The following USP3 variants were observed in gnomAD, a reference collection of about 807,000 sequenced individuals.
The protein encoded by USP3 is ubiquitin carboxyl-terminal hydrolase 3.
USP3 carries 20 observed loss-of-function variants against 72.3 expected under a neutral mutation model. The observed-to-expected ratio is 0.28, with a 90% CI of 0.19 to 0.40. The LOEUF (loss-of-function observed/expected upper bound fraction) is 0.40, where lower values mean the gene tolerates loss of function less well. Ranked by LOEUF, USP3 falls within the 10% of genes least tolerant of loss-of-function variation. The pLI is 1.00. For synonymous variants in USP3, 222 were observed against 225.3 expected (o/e 0.99, Z 0.13); for missense variants, 479 against 633.9 (o/e 0.76, Z 2.62).
Position 63,588,689 on chromosome 15 carries a change from C to G in USP3, c.1216-13C>G. The stretch of plus-strand genomic sequence containing the variant: ...AGGTGTTCACAATCTTTGACCGCAT[C>G]TCTGTCCTCCAGGTGCTATGCTTAC... On this transcript the variant is annotated splice_polypyrimidine_tract_variant and intron_variant, in intron 12 of 14. Transcript: ENST00000380324. The surrounding 1 kb of genome is among the most constrained non-coding windows in gnomAD (Gnocchi z 4.6). The G allele has an allele frequency of 6.3e-7, 1 of 1,590,558 alleles. No individual in the cohort carries two copies. Among genetic ancestry groups the G allele is most frequent in the Non-Finnish European group, 8.6e-7 (1 of 1,159,926 alleles).
chr15:63,510,625 T>C (rs551574988), intron 1 of USP3, among the ~76,000 whole-genome samples: 1 of 152,332 alleles, frequency 6.6e-6, no homozygotes, highest in Admixed American at 6.5e-5. Context: ...AGAGCTTTCC[T>C]GGACAGATGG....
chr15:63,591,414 C>CACTA lies in USP3; in HGVS notation c.*594_*597dup, dbSNP rs1216996583. On this transcript the variant is annotated 3_prime_UTR_variant, in exon 15 of 15. Transcript: ENST00000380324. ...CTCTCAAGGCTGCTGTCTTTATCAG[C>CACTA]ACTAACTAAATAAATTTGTTGGTTC... 4 of 152,342 alleles carry CACTA rather than the reference C, an allele frequency of 2.6e-5. No homozygotes were observed. The highest frequency in any genetic ancestry group is 1.9e-4 in the East Asian group (1 of 5,196). The allele number at this position is 152,342 out of a possible 1,614,324, so 9.4% of individuals were successfully genotyped here. A position where few individuals can be genotyped will look rare whatever the true frequency, so the allele number is the denominator to read the frequency against.
At chr15:63,584,908 T>C (rs1320558529) in intron 11 of USP3, among the ~76,000 whole-genome samples, 1 of 152,148 alleles carries the variant, frequency 6.6e-6, no homozygotes, top group African/African-American at 2.4e-5. Context: ...GTTTAAGACC[T>C]TTGATCTATT....
At chr15:63,559,613 G>C (rs1245892066) in intron 6 of USP3, among the ~76,000 whole-genome samples, 3 of 152,190 alleles carry the variant, frequency 2.0e-5, no homozygotes, top group African/African-American at 7.2e-5. Context: ...TTTGAAAAGA[G>C]ATTTTGTTTT....
At chr15:63,554,820 A>G (rs1175050652) in intron 4 of USP3, among the ~76,000 whole-genome samples, 1 of 152,222 alleles carries the variant, frequency 6.6e-6, no homozygotes, top group African/African-American at 2.4e-5. Flanking sequence ...AAAGTACTTC[A>G]GGTTTAAGTA....
chr15:63,562,572 T>C (rs1595751320), intron 7 of USP3, among the ~76,000 whole-genome samples: 3 of 152,184 alleles, frequency 2.0e-5, no homozygotes, highest in South Asian at 4.1e-4. Flanking sequence ...ATTTTGAAAA[T>C]GTACATTCTT....
In USP3 at chr15:63,529,278, TTCTC is replaced by T. The variant is rs2066032406; in HGVS notation, c.92-3366_92-3363del. ...AGTCAGTACTTTATTCCCTTTTACT[TTCTC>T]TCCTTATCATTACGTATCTGTCTGT... On this transcript the variant is annotated intron_variant, in intron 1 of 14. Coordinates refer to ENST00000380324, the MANE Select transcript of USP3 (RefSeq NM_006537.4). This position sits in a 1 kb window ranked among gnomAD's most constrained non-coding sequence, Gnocchi z 4.2. 7.9e-6 allele frequency: 3 copies of T among 378,654 alleles called. No individual in the cohort carries two copies. The highest frequency in any genetic ancestry group is 3.7e-5 in the Admixed American group (1 of 27,034). 23.5% of individuals were successfully genotyped at this position (378,654 alleles called of 1,614,324 possible). A position where few individuals can be genotyped will look rare whatever the true frequency, so the allele number is the denominator to read the frequency against.
At chr15:63,533,695 A>G (rs1307100988) in intron 2 of USP3, 1 of 368,238 alleles carries the variant, frequency 2.7e-6, no homozygotes, top group Non-Finnish European at 5.0e-6. Flanking sequence ...GATTTTTCAC[A>G]TTTTGAGTCC....
At chr15:63,589,570 T>C (rs961432079) in intron 14 of USP3, among the ~76,000 whole-genome samples, 2 of 152,234 alleles carry the variant, frequency 1.3e-5, no homozygotes, top group Non-Finnish European at 2.9e-5. Context: ...GTGTTATGAA[T>C]GACAAGTCTG....
At chr15:63,540,311 C>A (rs1221407900) in intron 3 of USP3, among the ~76,000 whole-genome samples, 1 of 152,214 alleles carries the variant, frequency 6.6e-6, no homozygotes, top group Non-Finnish European at 1.5e-5. Context: ...TGTAATCTTT[C>A]CTGAACTCAC....
chr15:63,521,718 CTT>C (rs1322397062), intron 1 of USP3, among the ~76,000 whole-genome samples: 1 of 152,184 alleles, frequency 6.6e-6, no homozygotes, highest in Non-Finnish European at 1.5e-5. Context: ...ATACTTCTCT[CTT>C]CCATTTAATT....
At chr15:63,586,508 G>C (rs1374136242) in intron 11 of USP3, 2 of 152,228 alleles carry the variant, frequency 1.3e-5, no homozygotes, top group Non-Finnish European at 2.9e-5. Flanking sequence ...CATGACTTCA[G>C]CTGCAGAGCT....
At chr15:63,536,564 C>G (rs1305399251) in intron 2 of USP3, among the ~76,000 whole-genome samples, 2 of 151,928 alleles carry the variant, frequency 1.3e-5, no homozygotes, top group East Asian at 3.8e-4. Context: ...TGAGCCTACT[C>G]TTGTATATAA....
At chr15:63,538,237 T>A (rs777207437) in intron 3 of USP3, among the ~76,000 whole-genome samples, 2 of 152,188 alleles carry the variant, frequency 1.3e-5, no homozygotes, top group African/African-American at 4.8e-5. Flanking sequence ...ACTAGTAAAT[T>A]ATGATGAACA....
chr15:63,570,288 G>A lies in USP3; in HGVS notation c.762-145G>A, dbSNP rs1595759425. On this transcript the variant is annotated intron_variant, in intron 8 of 14. Coordinates refer to ENST00000380324, the MANE Select transcript of USP3 (RefSeq NM_006537.4). The surrounding 1 kb of genome is among the most constrained non-coding windows in gnomAD (Gnocchi z 4.4). ...GAAGAGAAATTCTGTCACCTGTGGA[G>A]CTTTCGGGCATGAAGGTGAGGAAGC... 3.7e-6 allele frequency: 4 copies of A among 1,070,600 alleles called. No homozygotes were observed. The East Asian group carries it at 7.8e-5, about 21-fold the overall frequency. The allele number at this position is 1,070,600 out of a possible 1,614,324, so 66.3% of individuals were successfully genotyped here.
At chr15:63,541,232 A>T (rs2066240406) in intron 3 of USP3, among the ~76,000 whole-genome samples, 1 of 152,194 alleles carries the variant, frequency 6.6e-6, no homozygotes, top group Admixed American at 6.5e-5. Flanking sequence ...ATTGTGAAAT[A>T]TGAATCAGTT....
chr15:63,570,466 G>A lies in USP3; in HGVS notation c.795G>A (p.Met265Ile), dbSNP rs760449655. The A allele has an allele frequency of 1.2e-6, 2 of 1,614,182 alleles. No homozygotes were observed. Among genetic ancestry groups the A allele is most frequent in the South Asian group, 2.2e-5 (2 of 91,084 alleles). Residue 265 changes from methionine to isoleucine, a missense_variant, in exon 9 of 15, where the codon ATG becomes ATA. Met to Ile is a conservative substitution (Grantham distance 10). Coordinates refer to ENST00000380324, the MANE Select transcript of USP3 (RefSeq NM_006537.4). The surrounding 1 kb of genome is among the most constrained non-coding windows in gnomAD (Gnocchi z 4.4). ...GYQQQDAHEF[M>I]RYLLDHLHLE... is the part of the protein sequence containing the mutation. The stretch of plus-strand genomic sequence containing the variant: ...AACAGCAGGACGCCCATGAATTCAT[G>A]CGCTACCTTTTGGACCACCTACACT...
chr15:63,552,129 C>G (rs1595740713), intron 3 of USP3, among the ~76,000 whole-genome samples: 2 of 152,188 alleles, frequency 1.3e-5, no homozygotes, highest in East Asian at 3.8e-4. Flanking sequence ...CTTAAGACTT[C>G]ACTTTCCAGA....
rs8025724 is a variant in USP3 at position 63,580,380 on chromosome 15, T to C, written c.1096+5977T>C. Among the ~76,000 whole-genome samples, 767 of 152,116 alleles carry C rather than the reference T, an allele frequency of 5.0e-3. 11 individuals are homozygous for C. Among genetic ancestry groups the C allele is most frequent in the African/African-American group, 0.018 (739 of 41,494 alleles). On this transcript the variant is annotated intron_variant, in intron 11 of 14. Transcript: ENST00000380324. ...TATTTTTTTCATTTGTTTTAACCGA[T>C]GTGTGTCACCTTTATAATACCTATT...
Sources: gnomAD v4.1 joint callset for allele counts (sites outside exome capture counted in the v4.1 genomes callset) on GRCh38, gnomAD v4.1.1 for gene constraint, Gnocchi (gnomAD v3.1) non-coding constraint, MANE v1.5 for transcripts, NCBI Gene and HGNC (gene_info 2026-07-23, HGNC 2026-07-21) for gene names.